The following GULP1 variants were observed in gnomAD, a reference collection of about 807,000 sequenced individuals.
The protein encoded by GULP1 is GULP PTB domain containing engulfment adaptor 1, also known as PTB domain-containing engulfment adapter protein 1.
A neutral mutation model predicts 40.9 loss-of-function variants in GULP1; 19 were observed. That is an observed-to-expected ratio of 0.46 (90% CI 0.32 to 0.68). GULP1 has a LOEUF of 0.68. Ranked by LOEUF, GULP1 falls within the 30% of genes least tolerant of loss-of-function variation. The pLI is 0.03. For synonymous variants in GULP1, 119 were observed against 117.6 expected (o/e 1.01, Z -0.08); for missense variants, 312 against 362.2 (o/e 0.86, Z 1.12).
intron 1 of GULP1, among the ~76,000 whole-genome samples, chr2:188,308,411 A>G (rs1232098104): frequency 6.6e-6 from 1 of 152,218 alleles, no homozygotes; most frequent in Non-Finnish European, 1.5e-5. Context: ...CATTACAAAA[A>G]AAGCTTTTGA....
At chr2:188,459,436 C>T (rs959616107) in intron 2 of GULP1, among the ~76,000 whole-genome samples, 1 of 152,080 alleles carries the variant, frequency 6.6e-6, no homozygotes, top group African/African-American at 2.4e-5. Flanking sequence ...AAAATACATC[C>T]TTTTCATATG....
intron 7 of GULP1, among the ~76,000 whole-genome samples, chr2:188,566,265 TTCA>T (rs1237283437): frequency 6.6e-6 from 1 of 152,130 alleles, no homozygotes; most frequent in Non-Finnish European, 1.5e-5. Context: ...AAATTGCAGT[TTCA>T]TCATATGTAT....
At chr2:188,314,594 T>G (rs2038767663) in intron 1 of GULP1, among the ~76,000 whole-genome samples, 1 of 152,170 alleles carries the variant, frequency 6.6e-6, no homozygotes, top group South Asian at 2.1e-4. Flanking sequence ...ACTAACTTTG[T>G]AAAACCTCCT....
At chr2:188,547,433 C>G (rs1692261470) in intron 7 of GULP1, among the ~76,000 whole-genome samples, 1 of 152,068 alleles carries the variant, frequency 6.6e-6, no homozygotes, top group Non-Finnish European at 1.5e-5. Context: ...GGCCCATCTG[C>G]AAGCTGAGGA....
At chr2:188,578,152 A>T (rs1288822726) in intron 9 of GULP1, among the ~76,000 whole-genome samples, 6 of 152,124 alleles carry the variant, frequency 3.9e-5, no homozygotes, top group Non-Finnish European at 8.8e-5. Context: ...ACAGCAAAAC[A>T]TAAAATTTCA....
At chr2:188,519,640 G>C (rs1388836883) in intron 4 of GULP1, among the ~76,000 whole-genome samples, 4 of 152,116 alleles carry the variant, frequency 2.6e-5, no homozygotes, top group Non-Finnish European at 5.9e-5. Flanking sequence ...TCAGTTACTT[G>C]AACTCTTCTT....
chr2:188,574,964 C>T (rs1229639681), intron 9 of GULP1, among the ~76,000 whole-genome samples: 1 of 152,136 alleles, frequency 6.6e-6, no homozygotes, highest in African/African-American at 2.4e-5. Context: ...CAGAGACACT[C>T]TAAGGGAAGG....
chr2:188,402,586 C>T (rs1255767415), intron 2 of GULP1, among the ~76,000 whole-genome samples: 2 of 151,778 alleles, frequency 1.3e-5, no homozygotes, highest in South Asian at 2.1e-4. Flanking sequence ...TCTTTTAAAG[C>T]GAGTTTACAT....
At chr2:188,333,928 C>T (rs2041943287) in intron 1 of GULP1, among the ~76,000 whole-genome samples, 1 of 152,080 alleles carries the variant, frequency 6.6e-6, no homozygotes, top group South Asian at 2.1e-4. Context: ...TGTTTCTGTC[C>T]CACATAGGCA....
At chr2:188,565,774 A>G (rs75332914) in intron 7 of GULP1, among the ~76,000 whole-genome samples, 1,666 of 152,238 alleles carry the variant, frequency 0.011, 38 homozygotes, top group African/African-American at 0.037. Context: ...TGACAAAACC[A>G]TGAATGTCCA....
At chr2:188,368,061 T>A (rs918981779) in intron 1 of GULP1, among the ~76,000 whole-genome samples, 5 of 152,168 alleles carry the variant, frequency 3.3e-5, no homozygotes, top group Admixed American at 6.6e-5. Flanking sequence ...CAATCTTCTC[T>A]TTCTCTTTTT....
intron 2 of GULP1, among the ~76,000 whole-genome samples, chr2:188,397,564 C>T (rs556645236): frequency 5.3e-5 from 8 of 152,234 alleles, no homozygotes; most frequent in Admixed American, 3.3e-4. Context: ...TGAATCTATG[C>T]CCATTGTTTA....
chr2:188,321,948 G>A (rs1426527363), intron 1 of GULP1, among the ~76,000 whole-genome samples: 4 of 152,132 alleles, frequency 2.6e-5, no homozygotes, highest in Non-Finnish European at 5.9e-5. Context: ...CTAGGAGGCG[G>A]AGGTTGCAGT....
At chr2:188,367,974 T>C (rs2047021603) in intron 1 of GULP1, among the ~76,000 whole-genome samples, 1 of 152,138 alleles carries the variant, frequency 6.6e-6, no homozygotes, top group African/African-American at 2.4e-5. Context: ...CCTCATTTTT[T>C]TCACCCTTTT....
intron 1 of GULP1, among the ~76,000 whole-genome samples, chr2:188,326,741 G>A (rs1199867972): frequency 6.6e-6 from 1 of 152,052 alleles, no homozygotes; most frequent in Non-Finnish European, 1.5e-5. Context: ...TCTGGAATAC[G>A]TTTCCATTAT....
intron 2 of GULP1, among the ~76,000 whole-genome samples, chr2:188,408,089 G>A (rs551738388): frequency 6.3e-4 from 96 of 152,240 alleles, no homozygotes; most frequent in Non-Finnish European, 1.2e-3. Flanking sequence ...AGGTAATTAA[G>A]ATTAGATGAG....
At chr2:188,475,338 G>A (rs947231043) in intron 2 of GULP1, among the ~76,000 whole-genome samples, 6 of 152,134 alleles carry the variant, frequency 3.9e-5, no homozygotes, top group African/African-American at 1.4e-4. Flanking sequence ...GTATTATCAT[G>A]TCATTATATA....
At chr2:188,329,137 T>C (rs1403413456) in intron 1 of GULP1, among the ~76,000 whole-genome samples, 1 of 143,106 alleles carries the variant, frequency 7.0e-6, no homozygotes, top group African/African-American at 2.7e-5. Flanking sequence ...GCCCTCTCTA[T>C]TGGACTCTTT....
chr2:188,487,338 G>A (rs568538513), intron 4 of GULP1, among the ~76,000 whole-genome samples: 2 of 151,992 alleles, frequency 1.3e-5, no homozygotes, highest in African/African-American at 4.8e-5. Context: ...ATACAAAAAT[G>A]CAAGGATGTT....
Sources: gnomAD v4.1 joint callset for allele counts (sites outside exome capture counted in the v4.1 genomes callset) on GRCh38, gnomAD v4.1.1 for gene constraint, MANE v1.5 for transcripts, NCBI Gene and HGNC (gene_info 2026-07-23, HGNC 2026-07-21) for gene names.